The following CACNA1C variants were observed in gnomAD, a reference collection of about 807,000 sequenced individuals.
CACNA1C encodes calcium voltage-gated channel subunit alpha1 C.
A neutral mutation model predicts 229.0 loss-of-function variants in CACNA1C; 30 were observed. The observed-to-expected ratio is 0.13, with a 90% confidence interval of 0.10 to 0.18. The LOEUF is 0.18. Ranked by LOEUF, CACNA1C falls within the 10% of genes least tolerant of loss-of-function variation. The pLI is 1.00. For synonymous variants in CACNA1C, 1,114 were observed against 1,132.5 expected (o/e 0.98, Z 0.33); for missense variants, 1,658 against 2,845.0 (o/e 0.58, Z 9.49).
At chr12:2,310,564 T>A (rs562887399) in intron 3 of CACNA1C, among the ~76,000 whole-genome samples, 51 of 152,264 alleles carry the variant, frequency 3.3e-4, no homozygotes, top group African/African-American at 1.2e-3. Flanking sequence ...ATGCAAAGTA[T>A]TTCTCAAGCC....
At chr12:2,037,007 C>T (rs1443828262) in intron 1 of CACNA1C, among the ~76,000 whole-genome samples, 4 of 152,164 alleles carry the variant, frequency 2.6e-5, no homozygotes, top group African/African-American at 9.7e-5. Flanking sequence ...GTTTTCAAAA[C>T]CTTCTTGTCT....
chr12:2,156,193 G>A (rs978918024), intron 3 of CACNA1C, among the ~76,000 whole-genome samples: 1 of 152,180 alleles, frequency 6.6e-6, no homozygotes, highest in Admixed American at 6.5e-5. Context: ...AATGATGATC[G>A]CAAAGTCAAG....
chr12:2,061,222 G>A (rs985593852), intron 1 of CACNA1C, among the ~76,000 whole-genome samples: 1 of 151,852 alleles, frequency 6.6e-6, no homozygotes, highest in African/African-American at 2.4e-5. Flanking sequence ...GAGAATGAGT[G>A]TATATCGCTG....
At chr12:2,459,757 C>T (rs1156768550) in intron 5 of CACNA1C, among the ~76,000 whole-genome samples, 1 of 152,108 alleles carries the variant, frequency 6.6e-6, no homozygotes, top group Non-Finnish European at 1.5e-5. Context: ...TGTAATGGTA[C>T]CGCCAGTGTG....
At chr12:2,056,045 TG>T (rs1464829964) in intron 1 of CACNA1C, among the ~76,000 whole-genome samples, 2 of 152,096 alleles carry the variant, frequency 1.3e-5, no homozygotes, top group African/African-American at 4.8e-5. Flanking sequence ...AGATCAGTAA[TG>T]GTGACGAAAC....
intron 9 of CACNA1C, among the ~76,000 whole-genome samples, chr12:2,546,150 C>T (rs965505004): frequency 1.3e-5 from 2 of 152,124 alleles, no homozygotes; most frequent in African/African-American, 2.4e-5. Flanking sequence ...CGTGCAGTGG[C>T]TGGTGTCTTC....
intron 1 of CACNA1C, among the ~76,000 whole-genome samples, chr12:2,094,365 G>A (rs1422617630): frequency 6.6e-6 from 1 of 152,192 alleles, no homozygotes; most frequent in Non-Finnish European, 1.5e-5. Context: ...AGCACCCCCA[G>A]TAAGTGGCTG....
chr12:2,089,979 C>T (rs1437638356), intron 1 of CACNA1C, among the ~76,000 whole-genome samples: 6 of 151,968 alleles, frequency 3.9e-5, no homozygotes, highest in Non-Finnish European at 5.9e-5. Context: ...CGGTGAGCTG[C>T]GATCATGCCA....
chr12:2,257,402 C>T (rs1048225116), intron 3 of CACNA1C, among the ~76,000 whole-genome samples: 3 of 152,134 alleles, frequency 2.0e-5, no homozygotes, highest in Admixed American at 6.5e-5. Context: ...CATGGAGGAC[C>T]GAGAGGGGAT....
At chr12:2,376,685 T>C (rs1406508847) in intron 3 of CACNA1C, among the ~76,000 whole-genome samples, 1 of 152,156 alleles carries the variant, frequency 6.6e-6, no homozygotes, top group Non-Finnish European at 1.5e-5. Context: ...TGGGGAGCTA[T>C]GTGGAGGGCA....
At chr12:2,190,299 C>T (rs1275243074) in intron 3 of CACNA1C, among the ~76,000 whole-genome samples, 1 of 152,116 alleles carries the variant, frequency 6.6e-6, no homozygotes, top group Admixed American at 6.5e-5. Flanking sequence ...CCTTGCCAGC[C>T]AGCGTTCTCC....
At chr12:2,047,010 C>T (rs1037140085) in intron 1 of CACNA1C, among the ~76,000 whole-genome samples, 14 of 152,210 alleles carry the variant, frequency 9.2e-5, no homozygotes, top group African/African-American at 2.7e-4. Flanking sequence ...CTCTCTGAAC[C>T]GTGGGTTGGG....
intron 27 of CACNA1C, among the ~76,000 whole-genome samples, chr12:2,609,595 C>T (rs1220240687): frequency 6.7e-6 from 1 of 149,064 alleles, no homozygotes; most frequent in Non-Finnish European, 1.5e-5. Context: ...ATGATGGTAG[C>T]GATGGAAAGA....
chr12:2,649,022 T>C lies in CACNA1C; in HGVS notation c.3945+515T>C, dbSNP rs549399748. Among the ~76,000 whole-genome samples, 167 of 152,292 alleles carry C rather than the reference T, an allele frequency of 1.1e-3. No individual in the cohort carries two copies. Among genetic ancestry groups the C allele is most frequent in the African/African-American group, 3.9e-3 (161 of 41,552 alleles). Reference sequence around the variant, plus strand: ...AAGTGAAAGGCCACCATAAAAGGTTTCAGCTGGGATTTGTTACTGAGCGCG... The same window carrying C: ...AAGTGAAAGGCCACCATAAAAGGTTCCAGCTGGGATTTGTTACTGAGCGCG... On this transcript the variant is annotated intron_variant, in intron 31 of 46. Coordinates refer to ENST00000399655, the MANE Select transcript of CACNA1C (RefSeq NM_000719.7). The surrounding 1 kb of genome is among the most constrained non-coding windows in gnomAD (Gnocchi z 4.4).
At chr12:2,626,498 T>G (rs1054648306) in intron 29 of CACNA1C, among the ~76,000 whole-genome samples, 2 of 152,212 alleles carry the variant, frequency 1.3e-5, no homozygotes, top group African/African-American at 2.4e-5. Context: ...CTGATGCTGC[T>G]TGTTTCCTGC....
At chr12:2,078,900 C>T (rs2064288651) in intron 1 of CACNA1C, among the ~76,000 whole-genome samples, 1 of 151,930 alleles carries the variant, frequency 6.6e-6, no homozygotes, top group South Asian at 2.1e-4. Flanking sequence ...TAATGATAGA[C>T]TGGAATAAGA....
intron 3 of CACNA1C, among the ~76,000 whole-genome samples, chr12:2,377,972 C>A (rs1004763096): frequency 3.3e-5 from 5 of 152,140 alleles, no homozygotes; most frequent in Non-Finnish European, 7.4e-5. Context: ...ATTGGCCTTA[C>A]TAAGTGATCT....
intron 3 of CACNA1C, among the ~76,000 whole-genome samples, chr12:2,316,756 T>C (rs952471543): frequency 6.6e-6 from 1 of 152,252 alleles, no homozygotes; most frequent in Admixed American, 6.5e-5. Context: ...TTAGGGCTTG[T>C]GCTGGCAGCC....
At position 2,651,789 on chromosome 12, in the gene CACNA1C, G is replaced by C. The variant is rs1458828607; in HGVS notation, c.4074+21G>C. 6.4e-6 allele frequency: 10 copies of C among 1,559,728 alleles called. No individual in the cohort carries two copies. ...TCCAGGTAGCCGCCCCTCATGTCCT[G>C]CGGCCCGGGGAATCGCAGGGCTGCC... On this transcript the variant is annotated intron_variant, in intron 32 of 46. Transcript: ENST00000399655. The surrounding 1 kb of genome is among the most constrained non-coding windows in gnomAD (Gnocchi z 5.4).
Sources: gnomAD v4.1 joint callset for allele counts (sites outside exome capture counted in the v4.1 genomes callset) on GRCh38, gnomAD v4.1.1 for gene constraint, Gnocchi (gnomAD v3.1) non-coding constraint, MANE v1.5 for transcripts, NCBI Gene and HGNC (gene_info 2026-07-23, HGNC 2026-07-21) for gene names.